The following CNTLN variants were observed in gnomAD, a reference collection of about 807,000 sequenced individuals.
CNTLN encodes centlein.
CNTLN carries 212 observed loss-of-function variants against 180.0 expected under a neutral mutation model. The ratio of observed to expected loss-of-function variants is 1.18; its 90% confidence interval spans 1.05 to 1.32. CNTLN has a LOEUF of 1.32. CNTLN is among the 40% of genes most tolerant of loss of function. The pLI is 0.00. For synonymous variants in CNTLN, 722 were observed against 563.1 expected, an observed-to-expected ratio of 1.28 and a Z score of -3.99; for missense variants, 2,095 against 1,610.9, an observed-to-expected ratio of 1.30 and a Z score of -5.14.
At chr9:17,271,752 C>T (rs1297927725) in intron 5 of CNTLN, among the ~76,000 whole-genome samples, 1 of 152,086 alleles carries the variant, frequency 6.6e-6, no homozygotes, top group African/African-American at 2.4e-5. Context: ...TCATTTTTAC[C>T]TTCAGAATAT....
intron 12 of CNTLN, among the ~76,000 whole-genome samples, chr9:17,347,925 G>A (rs909544897): frequency 3.9e-5 from 6 of 151,948 alleles, no homozygotes; most frequent in Non-Finnish European, 7.4e-5. Flanking sequence ...CCTGCCTCCC[G>A]GGTTCAAGGT....
At chr9:17,193,370 G>T (rs1821913957) in intron 2 of CNTLN, among the ~76,000 whole-genome samples, 1 of 152,130 alleles carries the variant, frequency 6.6e-6, no homozygotes, top group Non-Finnish European at 1.5e-5. Flanking sequence ...TCAAAAGCAA[G>T]CTAGTTACTT....
At chr9:17,378,075 C>T (rs934106727) in intron 13 of CNTLN, among the ~76,000 whole-genome samples, 1 of 151,934 alleles carries the variant, frequency 6.6e-6, no homozygotes, top group Non-Finnish European at 1.5e-5. Flanking sequence ...TTTGTCCGGC[C>T]TTCATATCTA....
chr9:17,491,306 T>C (rs1323027487), intron 25 of CNTLN, among the ~76,000 whole-genome samples: 1 of 152,032 alleles, frequency 6.6e-6, no homozygotes, highest in Non-Finnish European at 1.5e-5. Context: ...ATAAAAGAGA[T>C]AAAAATTCAC....
At chr9:17,326,702 A>G (rs148404236) in intron 8 of CNTLN, among the ~76,000 whole-genome samples, 90 of 152,334 alleles carry the variant, frequency 5.9e-4, no homozygotes, top group African/African-American at 1.6e-3. Flanking sequence ...TGTTGATAGC[A>G]TATACCCTTG....
At chr9:17,507,154 T>G (rs1316127608), downstream of CNTLN, among the ~76,000 whole-genome samples, 4 of 152,274 alleles carry the variant, frequency 2.6e-5, no homozygotes, top group East Asian at 7.7e-4. Flanking sequence ...TTTCCCCACT[T>G]TTGGAATCCC....
At chr9:17,313,681 T>G (rs1412198806) in intron 8 of CNTLN, among the ~76,000 whole-genome samples, 1 of 152,166 alleles carries the variant, frequency 6.6e-6, no homozygotes. Context: ...GGAAAAAAAT[T>G]TTGATGTTAT....
chr9:17,269,058 C>T (rs201880261), intron 5 of CNTLN, among the ~76,000 whole-genome samples: 1 of 152,088 alleles, frequency 6.6e-6, no homozygotes, highest in East Asian at 1.9e-4. Context: ...GCACCCACTG[C>T]CTGGCACTCC....
intron 8 of CNTLN, among the ~76,000 whole-genome samples, chr9:17,330,212 T>A (rs1380595246): frequency 6.6e-6 from 1 of 152,122 alleles, no homozygotes; most frequent in Non-Finnish European, 1.5e-5. Flanking sequence ...GTACTTATAA[T>A]GCTGTTGTTT....
At chr9:17,502,286 T>A (rs1197405145) in intron 25 of CNTLN, among the ~76,000 whole-genome samples, 2 of 152,214 alleles carry the variant, frequency 1.3e-5, no homozygotes, top group Non-Finnish European at 2.9e-5. Context: ...GCAGATTACA[T>A]CATTAACATG....
chr9:17,174,229 A>G (rs535033743), intron 2 of CNTLN, among the ~76,000 whole-genome samples: 3 of 152,296 alleles, frequency 2.0e-5, no homozygotes, highest in Admixed American at 1.3e-4. Context: ...CAGTTTAGCC[A>G]TTCACTTGTT....
At chr9:17,375,451 G>A (rs111688186) in intron 13 of CNTLN, among the ~76,000 whole-genome samples, 1,735 of 152,260 alleles carry the variant, frequency 0.011, 38 homozygotes, top group African/African-American at 0.039. Context: ...CATTTACCCT[G>A]ATATGATTAT....
chr9:17,171,249 C>G (rs770258270), intron 2 of CNTLN, among the ~76,000 whole-genome samples: 2 of 152,022 alleles, frequency 1.3e-5, no homozygotes. Flanking sequence ...TGTTTGTTGC[C>G]TTGCATTGAT....
intron 2 of CNTLN, among the ~76,000 whole-genome samples, chr9:17,212,061 T>A (rs150332814): frequency 1.6e-4 from 25 of 151,704 alleles, no homozygotes; most frequent in African/African-American, 5.8e-4. Flanking sequence ...TCTCCTGCCT[T>A]ATTGCCCTGG....
At chr9:17,264,962 G>C (rs1439143339) in intron 5 of CNTLN, among the ~76,000 whole-genome samples, 2 of 144,772 alleles carry the variant, frequency 1.4e-5, no homozygotes, top group African/African-American at 5.3e-5. Flanking sequence ...GGGTTTTCTA[G>C]ATATAGAATC....
intron 5 of CNTLN, among the ~76,000 whole-genome samples, chr9:17,272,916 C>G (rs1306206340): frequency 6.6e-6 from 1 of 152,044 alleles, no homozygotes; most frequent in African/African-American, 2.4e-5. Flanking sequence ...CTTATTTTCT[C>G]CCCTCTGTCT....
intron 8 of CNTLN, among the ~76,000 whole-genome samples, chr9:17,319,060 GA>G (rs1314259138): frequency 1.3e-5 from 2 of 152,216 alleles, no homozygotes; most frequent in African/African-American, 4.8e-5. Flanking sequence ...GGAACCTGTG[GA>G]AAGAAGCTTT....
chr9:17,261,027 G>C (rs1055165413), intron 5 of CNTLN, among the ~76,000 whole-genome samples: 6 of 151,152 alleles, frequency 4.0e-5, no homozygotes, highest in African/African-American at 1.5e-4. Context: ...TGTTCCATTG[G>C]TCTCTGTGTC....
At chr9:17,279,119 G>A (rs1345084125) in intron 6 of CNTLN, among the ~76,000 whole-genome samples, 2 of 152,002 alleles carry the variant, frequency 1.3e-5, no homozygotes, top group South Asian at 2.1e-4. Context: ...CATTTCATCT[G>A]TAGTTGATTT....
Sources: allele counts gnomAD v4.1 joint callset (sites outside exome capture counted in the v4.1 genomes callset), GRCh38; gene constraint gnomAD v4.1.1; transcripts MANE v1.5; gene names NCBI Gene and HGNC (gene_info 2026-07-23, HGNC 2026-07-21).